Variants in SYT2 observed in about 807,000 individuals in gnomAD.
SYT2 encodes synaptotagmin 2.
Under a neutral mutation model 39.9 loss-of-function variants are expected in SYT2, and 15 were observed. The observed-to-expected ratio is 0.38, with a 90% CI of 0.25 to 0.58. The LOEUF is 0.58. Ranked by LOEUF, SYT2 falls within the 20% of genes least tolerant of loss-of-function variation. SYT2 has a pLI of 0.70. For missense variants in SYT2, 389 were observed against 530.3 expected, an observed-to-expected ratio of 0.73 and a Z score of 2.62; for synonymous variants, 181 against 204.5, an observed-to-expected ratio of 0.89 and a Z score of 0.98.
At chr1:202,707,753 T>C (rs12141884) in intron 1 of SYT2, among the ~76,000 whole-genome samples, 40,756 of 152,026 alleles carry the variant, frequency 0.27, 5,648 homozygotes, top group Non-Finnish European at 0.29. Context: ...GGAGACCCCA[T>C]TGAGATATGA....
intron 1 of SYT2, among the ~76,000 whole-genome samples, chr1:202,683,147 T>A (rs1653567613): frequency 6.6e-6 from 1 of 152,128 alleles, no homozygotes; most frequent in Non-Finnish European, 1.5e-5. Context: ...GAGTGTAAGT[T>A]GGCAAAAGCA....
At chr1:202,666,400 C>T (rs1357732741) in intron 1 of SYT2, among the ~76,000 whole-genome samples, 1 of 152,162 alleles carries the variant, frequency 6.6e-6, no homozygotes, top group Non-Finnish European at 1.5e-5. Context: ...CAATACCCTA[C>T]AGAGCAAACC....
rs1690419260 is a variant in SYT2, at chr1:202,599,437, C to T, written c.920-86G>A. 5 of 1,447,856 alleles carry T rather than the reference C, an allele frequency of 3.5e-6. No individual in the cohort carries two copies. The South Asian group carries it at 4.4e-5, about 13-fold the overall frequency. The allele number at this position is 1,447,856 out of a possible 1,614,324, so 89.7% of individuals were successfully genotyped here. ...ATGTACCAAGGCCTGCCCAGAGCAT[C>T]GGTCAAGAGGGGGTCTTCACTCCGC... On this transcript the variant is annotated intron_variant, in intron 7 of 8. Coordinates refer to ENST00000367268, the MANE Select transcript of SYT2 (RefSeq NM_177402.5). This position sits in a 1 kb window ranked among gnomAD's most constrained non-coding sequence, Gnocchi z 4.4.
At chr1:202,630,118 G>A (rs1225072339) in intron 1 of SYT2, among the ~76,000 whole-genome samples, 1 of 152,232 alleles carries the variant, frequency 6.6e-6, no homozygotes, top group African/African-American at 2.4e-5. Context: ...TTACACTGGA[G>A]GGGCAGGCAG....
rs1690420553 is a variant in SYT2 at position 202,599,472 on chromosome 1, G to A, written c.920-121C>T. On this transcript the variant is annotated intron_variant, in intron 7 of 8. Transcript: ENST00000367268. This position sits in a 1 kb window ranked among gnomAD's most constrained non-coding sequence, Gnocchi z 4.4. ...GGGGTCTTCACTCCGCTGAGACCAG[G>A]CCCTCAGAAAGCCCCAAGTCATGCC... 1.7e-6 allele frequency: 2 copies of A among 1,190,570 alleles called. No homozygotes were observed. Among genetic ancestry groups the A allele is most frequent in the South Asian group, 1.7e-5 (1 of 57,200 alleles). The allele number at this position is 1,190,570 out of a possible 1,614,324, so 73.8% of individuals were successfully genotyped here. A position where few individuals can be genotyped will look rare whatever the true frequency, so the allele number is the denominator to read the frequency against.
intron 1 of SYT2, among the ~76,000 whole-genome samples, chr1:202,625,342 G>A (rs1335696987): frequency 5.5e-5 from 7 of 127,600 alleles, no homozygotes; most frequent in Admixed American, 2.3e-4. Flanking sequence ...GCATGTAGTA[G>A]GGTGTGTGTG....
intron 1 of SYT2, among the ~76,000 whole-genome samples, chr1:202,703,226 G>A (rs1248822123): frequency 6.6e-6 from 1 of 152,058 alleles, no homozygotes; most frequent in Non-Finnish European, 1.5e-5. Flanking sequence ...AGGAAAAAAT[G>A]AGCACCACCT....
chr1:202,617,952 G>C (rs1183473728), intron 1 of SYT2, among the ~76,000 whole-genome samples: 1 of 152,076 alleles, frequency 6.6e-6, no homozygotes, highest in Non-Finnish European at 1.5e-5. Context: ...TGCCAGGCTG[G>C]AGTGCAGTGG....
At chr1:202,608,364 C>A (rs1404716826) in intron 1 of SYT2, among the ~76,000 whole-genome samples, 1 of 151,882 alleles carries the variant, frequency 6.6e-6, no homozygotes, top group African/African-American at 2.4e-5. Flanking sequence ...ACAGCCTCCA[C>A]CTCCAGGGCT....
At chr1:202,708,674 GAC>G (rs1202711192) in intron 1 of SYT2, among the ~76,000 whole-genome samples, 1 of 152,108 alleles carries the variant, frequency 6.6e-6, no homozygotes, top group African/African-American at 2.4e-5. Flanking sequence ...CCAGGGCCCT[GAC>G]ACACGCTGCA....
chr1:202,608,882 ATTTT>A (rs1156533702), intron 1 of SYT2, among the ~76,000 whole-genome samples: 1 of 152,108 alleles, frequency 6.6e-6, no homozygotes, highest in African/African-American at 2.4e-5. Flanking sequence ...GACAACACTT[ATTTT>A]TTTATTATAC....
rs371254862 is a variant in SYT2, at chr1:202,703,897, G to A, written c.-18+6361C>T. ...CATGGAATAGTAATGGGTAAATTCC[G>A]TCTCTAATTGCAATATTTCCTAATT... On this transcript the variant is annotated intron_variant, in intron 1 of 8. Transcript: ENST00000367268. Among the ~76,000 whole-genome samples, 235 of 152,230 alleles carry A rather than the reference G, an allele frequency of 1.5e-3. 1 individual carries two copies. Among genetic ancestry groups the A allele is most frequent in the African/African-American group, 5.3e-3 (218 of 41,512 alleles).
intron 1 of SYT2, among the ~76,000 whole-genome samples, chr1:202,616,639 A>G (rs1691046995): frequency 6.6e-6 from 1 of 152,210 alleles, no homozygotes; most frequent in South Asian, 2.1e-4. Flanking sequence ...ATGGATGATG[A>G]ACACAAGGTC....
intron 1 of SYT2, among the ~76,000 whole-genome samples, chr1:202,696,647 T>G (rs1653980360): frequency 6.6e-6 from 1 of 152,070 alleles, no homozygotes; most frequent in African/African-American, 2.4e-5. Context: ...AATGACTGAG[T>G]GGGAGCCTAG....
intron 1 of SYT2, among the ~76,000 whole-genome samples, chr1:202,671,582 T>G (rs756756600): frequency 4.0e-4 from 61 of 152,248 alleles, no homozygotes; most frequent in Non-Finnish European, 8.2e-4. Context: ...AGGAGGAAAC[T>G]GCTGAGAAAT....
chr1:202,597,704 T>C (rs1440597325), intron 8 of SYT2, among the ~76,000 whole-genome samples: 1 of 152,008 alleles, frequency 6.6e-6, no homozygotes, highest in Non-Finnish European at 1.5e-5. Context: ...GCCCTGGCAT[T>C]GAGTTGGAAG....
chr1:202,705,793 G>A lies in SYT2; in HGVS notation c.-18+4465C>T, dbSNP rs568296431. On this transcript the variant is annotated intron_variant, in intron 1 of 8. Coordinates refer to ENST00000367268, the MANE Select transcript of SYT2 (RefSeq NM_177402.5). ...TGAAGTGGCATGACCATAGCTCACT[G>A]CAGTCTCGACCTCCTGGGCTCAGGC... 8.5e-4 allele frequency among the ~76,000 whole-genome samples: 128 copies of A among 150,846 alleles called. 5 individuals carry two copies. In the South Asian group the frequency reaches 0.027, roughly 31 times the overall value.
intron 1 of SYT2, among the ~76,000 whole-genome samples, chr1:202,645,741 C>T (rs182090556): frequency 1.3e-5 from 2 of 152,254 alleles, no homozygotes; most frequent in East Asian, 3.9e-4. Flanking sequence ...CCCTCTTGGG[C>T]GGAAGTGGAA....
At position 202,614,935 on chromosome 1, in the gene SYT2, G is replaced by A. The variant is rs1295292816; in HGVS notation, c.-17-9146C>T. Among the ~76,000 whole-genome samples the A allele has an allele frequency of 6.6e-6, 1 of 152,216 alleles. No homozygotes were observed. Among genetic ancestry groups the A allele is most frequent in the African/African-American group, 2.4e-5 (1 of 41,456 alleles). On this transcript the variant is annotated intron_variant, in intron 1 of 8. Coordinates refer to ENST00000367268, the MANE Select transcript of SYT2 (RefSeq NM_177402.5). This position sits in a 1 kb window ranked among gnomAD's most constrained non-coding sequence, Gnocchi z 4.0. ...CCCAAAGAGGAATGAGAAGCTGTGG[G>A]AGGCCTTTTAGGGTGGGGGCAGGGG...
Sources: allele counts gnomAD v4.1 joint callset (sites outside exome capture counted in the v4.1 genomes callset), GRCh38; gene constraint gnomAD v4.1.1; non-coding constraint Gnocchi (gnomAD v3.1); transcripts MANE v1.5; gene names NCBI Gene and HGNC (gene_info 2026-07-23, HGNC 2026-07-21).